The following OR10G8 variants were observed in gnomAD, a reference collection of about 807,000 sequenced individuals.
OR10G8 encodes olfactory receptor 10G8.
For missense variants in OR10G8, 386 were observed against 384.9 expected, an observed-to-expected ratio of 1.00 and a Z score of -0.02; for synonymous variants, 173 against 163.2, an observed-to-expected ratio of 1.06 and a Z score of -0.46.
Position 124,030,299 on chromosome 11 carries a change from G to A in OR10G8, c.677G>A (p.Arg226Gln), listed in dbSNP as rs201131218. The change falls in exon 2 of 2, where the codon CGG becomes CAG. Residue 226 changes from arginine to glutamine, a missense_variant. By Grantham distance (43) the Arg-to-Gln change is conservative. Coordinates refer to ENST00000641224, the MANE Select transcript of OR10G8 (RefSeq NM_001004464.2). Reference protein sequence around the residue: ...SYVSIVCSILRIRTSEGKHRA... With the variant: ...SYVSIVCSILQIRTSEGKHRA... ...GTGTCCATCGTCTGTTCCATCCTGC[G>A]GATCCGCACCTCAGAGGGGAAGCAC... 1.5e-4 allele frequency: 246 copies of A among 1,614,192 alleles called. 3 individuals are homozygous for A. In the Admixed American group the frequency reaches 3.5e-3, roughly 23 times the overall value.
At chr11:124,027,264 AT>A (rs1318465764) in intron 1 of OR10G8, among the ~76,000 whole-genome samples, 12 of 152,204 alleles carry the variant, frequency 7.9e-5, no homozygotes, top group African/African-American at 2.9e-4. Flanking sequence ...ATTGAAATGA[AT>A]CACCTACTGT....
In OR10G8 at chr11:124,029,534, CAG is replaced by C. The variant is rs561255451; in HGVS notation, c.-27-58_-27-57del. ...CTACCTGCTTGATGCAGTTTCCACA[CAG>C]AGAATGGATTCTCATTTCTCAATTA... On this transcript the variant is annotated intron_variant, in intron 1 of 1. Transcript: ENST00000641224. The C allele has an allele frequency of 3.6e-4, 506 of 1,410,774 alleles. No individual in the cohort carries two copies. In the Middle Eastern group the frequency reaches 6.5e-3, roughly 18 times the overall value. 87.4% of individuals were successfully genotyped at this position (1,410,774 alleles called of 1,614,324 possible).
At position 124,029,889 on chromosome 11, in the gene OR10G8, G is replaced by A; in HGVS notation, c.267G>A (p.Arg89=). 1.2e-6 allele frequency: 2 copies of A among 1,614,124 alleles called. No individual in the cohort carries two copies. Among genetic ancestry groups the A allele is most frequent in the South Asian group, 2.2e-5 (2 of 91,064 alleles). Residue 89 remains arginine (R), a synonymous_variant, in exon 2 of 2, where the codon AGG becomes AGA. Transcript: ENST00000641224. The part of the protein sequence containing the change: ...LLMTLVFPSG[R]AISFHSCMAQ... ...TGACTTTGGTGTTCCCAAGTGGCAG[G>A]GCTATCTCCTTCCACAGCTGCATGG...
In OR10G8 at chr11:124,029,961, C is replaced by T; in HGVS notation, c.339C>T (p.Leu113=). The stretch of plus-strand genomic sequence containing the variant: ...TCCTAGGGGGCACCGAGTGTTTCCT[C>T]TACAGGGTCATGTCCTGTGATCGCT... ...FHFLGGTECF[L]YRVMSCDRYL... is the part of the protein sequence containing the mutation. The change falls in exon 2 of 2, where the codon CTC becomes CTT. Residue 113 remains leucine (L), a synonymous_variant. Coordinates refer to ENST00000641224, the MANE Select transcript of OR10G8 (RefSeq NM_001004464.2). 2 of 1,614,196 alleles carry T rather than the reference C, an allele frequency of 1.2e-6. No homozygotes were observed. The highest frequency in any genetic ancestry group is 1.7e-6 in the Non-Finnish European group (2 of 1,180,026).
rs1241300125 is a variant in OR10G8 at position 124,029,626 on chromosome 11, T to C, written c.4T>C (p.Ser2Pro). Residue 2 changes from serine (S) to proline (P), a missense_variant, in exon 2 of 2, where the codon TCC becomes CCC. Physicochemically the swap from Ser to Pro is moderately conservative, Grantham distance 74 (BLOSUM62 -1). Transcript: ENST00000641224. Reference sequence around the variant, plus strand: ...GAGAGACCAAGGGTGAGAAGAAATGTCCAACGCCAGCCTACTGACAGCGTT... The same window carrying C: ...GAGAGACCAAGGGTGAGAAGAAATGCCCAACGCCAGCCTACTGACAGCGTT... M[S>P]NASLLTAFIL... The C allele has an allele frequency of 6.2e-7, 1 of 1,613,036 alleles. No individual in the cohort carries two copies. Among genetic ancestry groups the C allele is most frequent in the Non-Finnish European group, 8.5e-7 (1 of 1,179,258 alleles).
intron 1 of OR10G8, among the ~76,000 whole-genome samples, chr11:124,029,162 C>A (rs116216499): frequency 6.4e-4 from 98 of 152,118 alleles, no homozygotes; most frequent in African/African-American, 2.3e-3. Context: ...CTGCAAGGAA[C>A]CGAATCGTGC....
At chr11:124,027,268 C>G (rs1565593983) in intron 1 of OR10G8, among the ~76,000 whole-genome samples, 1 of 152,160 alleles carries the variant, frequency 6.6e-6, no homozygotes, top group African/African-American at 2.4e-5. Flanking sequence ...AAATGAATCA[C>G]CTACTGTAAG....
intron 1 of OR10G8, among the ~76,000 whole-genome samples, chr11:124,027,522 A>T (rs557582529): frequency 6.6e-6 from 1 of 152,194 alleles, no homozygotes; most frequent in African/African-American, 2.4e-5. Flanking sequence ...CTCTTGCTTT[A>T]GGTCTCAGGC....
chr11:124,027,394 A>G (rs1376373953), intron 1 of OR10G8, among the ~76,000 whole-genome samples: 1 of 152,226 alleles, frequency 6.6e-6, no homozygotes, highest in Non-Finnish European at 1.5e-5. Flanking sequence ...TTGTTATAAA[A>G]TCAGTTAGAT....
intron 1 of OR10G8, among the ~76,000 whole-genome samples, chr11:124,027,327 C>T (rs1431993795): frequency 6.6e-6 from 1 of 152,186 alleles, no homozygotes; most frequent in African/African-American, 2.4e-5. Context: ...TGCTTTCCTT[C>T]TTTCCTTTAT....
chr11:124,030,330 C>A lies in OR10G8; in HGVS notation c.708C>A (p.Ala236=), dbSNP rs959351652. 2 of 1,614,226 alleles carry A rather than the reference C, an allele frequency of 1.2e-6. No individual in the cohort carries two copies. The highest frequency in any genetic ancestry group is 3.3e-4 in the Middle Eastern group (2 of 6,062). Residue 236 remains alanine, a synonymous_variant, in exon 2 of 2, where the codon GCC becomes GCA. Transcript: ENST00000641224. The part of the protein sequence containing the change: ...RIRTSEGKHR[A]FQTCASHCIV... ...GCACCTCAGAGGGGAAGCACAGAGC[C>A]TTTCAGACCTGTGCCTCCCACTGTA...
In OR10G8 at chr11:124,030,212, T is replaced by C; in HGVS notation, c.590T>C (p.Val197Ala). 1 of 1,614,126 alleles carries C rather than the reference T, an allele frequency of 6.2e-7. No individual in the cohort carries two copies. The highest frequency in any genetic ancestry group is 8.5e-7 in the Non-Finnish European group (1 of 1,179,968). The change falls in exon 2 of 2, where the codon GTC (valine) becomes GCC (alanine). Residue 197 changes from valine to alanine, a missense_variant. Transcript: ENST00000641224. ...ACADTSAIET[V>A]IFVTVGIVAS... Reference sequence around the variant, plus strand: ...GCAGACACCTCAGCCATAGAGACTGTCATTTTTGTGACTGTTGGAATAGTG... The same window carrying C: ...GCAGACACCTCAGCCATAGAGACTGCCATTTTTGTGACTGTTGGAATAGTG...
At chr11:124,027,426 T>C (rs1156793425) in intron 1 of OR10G8, among the ~76,000 whole-genome samples, 7 of 152,236 alleles carry the variant, frequency 4.6e-5, no homozygotes, top group Non-Finnish European at 1.0e-4. Context: ...TAGATAGTAA[T>C]TGATGGGATA....
chr11:124,027,708 A>G (rs750565128), intron 1 of OR10G8, among the ~76,000 whole-genome samples: 2 of 152,128 alleles, frequency 1.3e-5, no homozygotes, highest in Non-Finnish European at 2.9e-5. Flanking sequence ...ATTTATTTAC[A>G]TATTTCAAAA....
At chr11:124,027,494 T>C (rs1864117318) in intron 1 of OR10G8, among the ~76,000 whole-genome samples, 1 of 152,194 alleles carries the variant, frequency 6.6e-6, no homozygotes, top group South Asian at 2.1e-4. Context: ...AGTCAAACAT[T>C]GACCCTGCGG....
rs182956274 is a variant in OR10G8 at position 124,029,649 on chromosome 11, G to A, written c.27G>A (p.Ala9=). 76 of 1,613,902 alleles carry A rather than the reference G, an allele frequency of 4.7e-5. 1 individual carries two copies. The highest frequency in any genetic ancestry group is 4.3e-4 in the Admixed American group (26 of 60,010). The change falls in exon 2 of 2, where the codon GCG becomes GCA. Residue 9 remains alanine (A), a synonymous_variant. Transcript: ENST00000641224. The stretch of plus-strand genomic sequence containing the variant: ...TGTCCAACGCCAGCCTACTGACAGC[G>A]TTCATCCTCATGGGCCTTCCCCATG... MSNASLLT[A]FILMGLPHAP...
intron 1 of OR10G8, among the ~76,000 whole-genome samples, chr11:124,027,105 G>T (rs1485821802): frequency 5.3e-5 from 8 of 152,086 alleles, no homozygotes; most frequent in Non-Finnish European, 5.9e-5. Context: ...TCCATTCCCT[G>T]CACTTCAACT....
At chr11:124,027,635 T>A (rs1456110969) in intron 1 of OR10G8, among the ~76,000 whole-genome samples, 1 of 152,208 alleles carries the variant, frequency 6.6e-6, no homozygotes, top group African/African-American at 2.4e-5. Flanking sequence ...TTTCAGAGTA[T>A]CTTGGTTCTA....
chr11:124,028,191 C>G (rs1864122169), intron 1 of OR10G8, among the ~76,000 whole-genome samples: 1 of 152,136 alleles, frequency 6.6e-6, no homozygotes, highest in Non-Finnish European at 1.5e-5. Flanking sequence ...GACAGCTGGC[C>G]TCTACCCAGT....
Sources: allele counts gnomAD v4.1 joint callset (sites outside exome capture counted in the v4.1 genomes callset), GRCh38; gene constraint gnomAD v4.1.1; transcripts MANE v1.5; gene names NCBI Gene and HGNC (gene_info 2026-07-23, HGNC 2026-07-21).